XRCC4: variants seen among roughly 807,000 people sequenced by gnomAD.
XRCC4 encodes the protein X-ray repair cross complementing 4.
A neutral mutation model predicts 39.1 loss-of-function variants in XRCC4; 28 were observed. The observed-to-expected ratio is 0.72, with a 90% confidence interval of 0.53 to 0.98. XRCC4 has a LOEUF of 0.98. Among genes scored for constraint, XRCC4 ranks in the 50% least tolerant of loss-of-function variants. The pLI is 0.00. For missense variants in XRCC4, 350 were observed against 376.4 expected, an observed-to-expected ratio of 0.93 and a Z score of 0.58; for synonymous variants, 123 against 126.4, an observed-to-expected ratio of 0.97 and a Z score of 0.18.
intron 3 of XRCC4, among the ~76,000 whole-genome samples, chr5:83,113,176 T>C (rs992723077): frequency 2.0e-5 from 3 of 152,008 alleles, no homozygotes; most frequent in Non-Finnish European, 2.9e-5. Context: ...ATGGGAGAAA[T>C]TGGCCAAAAC....
intron 7 of XRCC4, among the ~76,000 whole-genome samples, chr5:83,331,394 A>G (rs903209088): frequency 6.6e-6 from 1 of 152,092 alleles, no homozygotes; most frequent in Non-Finnish European, 1.5e-5. Context: ...GAATCCATAT[A>G]TATGGTATTG....
intron 7 of XRCC4, among the ~76,000 whole-genome samples, chr5:83,348,987 A>G (rs2112226976): frequency 6.6e-6 from 1 of 152,284 alleles, no homozygotes; most frequent in Admixed American, 6.5e-5. Context: ...AGACCACCTC[A>G]GCCTGGACTT....
At chr5:83,310,714 T>A in intron 7 of XRCC4, 1 of 446,514 alleles carries the variant, frequency 2.2e-6, no homozygotes. Context: ...GTGATTAAAT[T>A]AAGTATCTGA....
chr5:83,133,643 G>C (rs938211390), intron 3 of XRCC4, among the ~76,000 whole-genome samples: 4 of 152,168 alleles, frequency 2.6e-5, no homozygotes, highest in Non-Finnish European at 5.9e-5. Context: ...TCAGATTGCT[G>C]TTCTAGCAGT....
chr5:83,282,847 AT>A (rs1316602200), intron 7 of XRCC4, among the ~76,000 whole-genome samples: 11 of 151,832 alleles, frequency 7.2e-5, no homozygotes, highest in Non-Finnish European at 1.5e-4. Context: ...ATCTCAAAAA[AT>A]AAAATAAAAT....
intron 3 of XRCC4, among the ~76,000 whole-genome samples, chr5:83,170,855 C>A (rs1198799066): frequency 6.6e-6 from 1 of 152,102 alleles, no homozygotes. Flanking sequence ...GGCGTATATA[C>A]CAGCGGGCGG....
intron 7 of XRCC4, among the ~76,000 whole-genome samples, chr5:83,325,867 C>A (rs1478275486): frequency 6.6e-6 from 1 of 152,012 alleles, no homozygotes; most frequent in African/African-American, 2.4e-5. Flanking sequence ...GGTTCTAGGT[C>A]TTTAAGGAGT....
At chr5:83,101,035 A>C (rs1420947196) in intron 1 of XRCC4, among the ~76,000 whole-genome samples, 1 of 152,100 alleles carries the variant, frequency 6.6e-6, no homozygotes, top group African/African-American at 2.4e-5. Context: ...AAACCTACAA[A>C]CTTAAATATA....
intron 3 of XRCC4, among the ~76,000 whole-genome samples, chr5:83,130,505 C>T (rs1425442644): frequency 6.6e-6 from 1 of 152,078 alleles, no homozygotes; most frequent in Non-Finnish European, 1.5e-5. Flanking sequence ...GGGAGGATTC[C>T]CTCTTTTTTT....
intron 7 of XRCC4, among the ~76,000 whole-genome samples, chr5:83,340,211 C>T (rs1230465941): frequency 6.6e-6 from 1 of 152,094 alleles, no homozygotes; most frequent in Non-Finnish European, 1.5e-5. Flanking sequence ...TTCCTGAAAT[C>T]TATTTAATTC....
chr5:83,312,431 T>C (rs1451651418), intron 7 of XRCC4, among the ~76,000 whole-genome samples: 2 of 152,186 alleles, frequency 1.3e-5, no homozygotes, highest in African/African-American at 4.8e-5. Flanking sequence ...TATAAATTAA[T>C]AGAATTAACC....
At chr5:83,081,498 G>A (rs1744940216) in intron 1 of XRCC4, among the ~76,000 whole-genome samples, 1 of 151,970 alleles carries the variant, frequency 6.6e-6, no homozygotes, top group African/African-American at 2.4e-5. Context: ...TATTCTGTTA[G>A]GGATTTTTGT....
At chr5:83,269,286 A>G (rs536558383) in intron 7 of XRCC4, among the ~76,000 whole-genome samples, 1 of 152,220 alleles carries the variant, frequency 6.6e-6, no homozygotes, top group African/African-American at 2.4e-5. Flanking sequence ...ACTGTGTGCC[A>G]AGCACTGTGT....
At chr5:83,236,193 A>T (rs938362866) in intron 6 of XRCC4, among the ~76,000 whole-genome samples, 21 of 152,252 alleles carry the variant, frequency 1.4e-4, no homozygotes, top group African/African-American at 5.1e-4. Context: ...CCAATGACAT[A>T]TTCACAGAAA....
At chr5:83,288,606 T>C (rs35269) in intron 7 of XRCC4, among the ~76,000 whole-genome samples, 37,682 of 151,774 alleles carry the variant, frequency 0.25, 6,227 homozygotes, top group African/African-American at 0.47. Flanking sequence ...TAAGTATTTC[T>C]CTCCACTCTC....
chr5:83,220,120 A>G (rs893342242), intron 6 of XRCC4, among the ~76,000 whole-genome samples: 4 of 152,144 alleles, frequency 2.6e-5, no homozygotes, highest in African/African-American at 9.7e-5. Flanking sequence ...TAAGAAAGGC[A>G]AAAGGTATTG....
In XRCC4 at chr5:83,126,694, C is replaced by T. The variant is rs148725422; in HGVS notation, c.315+15491C>T. Among the ~76,000 whole-genome samples, 442 of 152,258 alleles carry T rather than the reference C, an allele frequency of 2.9e-3. 3 individuals carry two copies. Among genetic ancestry groups the T allele is most frequent in the Non-Finnish European group, 4.5e-3 (306 of 68,030 alleles). Reference sequence around the variant, plus strand: ...CTGAATACTCCAGAACTAAGAGCCACGGTATGCAGTGCCAGCCTGGCAAAG... The same window carrying T: ...CTGAATACTCCAGAACTAAGAGCCATGGTATGCAGTGCCAGCCTGGCAAAG... On this transcript the variant is annotated intron_variant, in intron 3 of 7. Transcript: ENST00000396027.
At chr5:83,139,595 G>A (rs191430242) in intron 3 of XRCC4, among the ~76,000 whole-genome samples, 3 of 152,234 alleles carry the variant, frequency 2.0e-5, no homozygotes, top group Non-Finnish European at 4.4e-5. Flanking sequence ...AGAAATCTTC[G>A]TTAGGTGATT....
intron 6 of XRCC4, among the ~76,000 whole-genome samples, chr5:83,212,601 C>G (rs1375704215): frequency 6.6e-6 from 1 of 152,016 alleles, no homozygotes; most frequent in Non-Finnish European, 1.5e-5. Context: ...GTCTAAACAT[C>G]CAAGCAACTC....
Sources: gnomAD v4.1 joint callset for allele counts (sites outside exome capture counted in the v4.1 genomes callset) on GRCh38, gnomAD v4.1.1 for gene constraint, MANE v1.5 for transcripts, NCBI Gene and HGNC (gene_info 2026-07-23, HGNC 2026-07-21) for gene names.